Variants in ANO2 observed in about 807,000 individuals in gnomAD.
The protein encoded by ANO2 is anoctamin-2.
A neutral mutation model predicts 124.2 loss-of-function variants in ANO2; 101 were observed. That is an observed-to-expected ratio of 0.81 (90% confidence interval 0.69 to 0.96). The LOEUF (loss-of-function observed/expected upper bound fraction) is 0.96. Among genes scored for constraint, ANO2 ranks in the 40% least tolerant of loss-of-function variants. ANO2 has a pLI of 0.00. For synonymous variants in ANO2, 486 were observed against 482.5 expected (o/e 1.01, Z -0.09); for missense variants, 1,293 against 1,274.5 (o/e 1.01, Z -0.22).
intron 1 of ANO2, among the ~76,000 whole-genome samples, chr12:5,929,815 T>C (rs1391482380): frequency 1.4e-5 from 2 of 146,726 alleles, no homozygotes; most frequent in African/African-American, 5.0e-5. Context: ...ATTAGTCACT[T>C]TCTTACCAGT....
chr12:5,647,574 T>C (rs1489077929), intron 15 of ANO2, among the ~76,000 whole-genome samples, 153 bp downstream of exon 15: 1 of 152,142 alleles, frequency 6.6e-6, no homozygotes, highest in African/African-American at 2.4e-5. Flanking sequence ...ATGGCCTCAC[T>C]ATCAGACAAG....
chr12:5,880,338 A>C (rs1309373485), intron 3 of ANO2, among the ~76,000 whole-genome samples: 3 of 151,802 alleles, frequency 2.0e-5, no homozygotes, highest in Non-Finnish European at 4.4e-5. Context: ...AGCATTTGAG[A>C]GTCATCGTAG....
At chr12:5,852,268 T>A (rs887626479) in intron 4 of ANO2, among the ~76,000 whole-genome samples, 3 of 151,734 alleles carry the variant, frequency 2.0e-5, no homozygotes, top group Non-Finnish European at 4.4e-5. Context: ...GTATTAGGAG[T>A]GAGAGGACTG....
chr12:5,928,829 T>C (rs77173339), intron 1 of ANO2, among the ~76,000 whole-genome samples: 20 of 38,074 alleles, frequency 5.3e-4, no homozygotes, highest in Admixed American at 6.1e-4. Context: ...CTTCTTTCCT[T>C]ACTCGTCTAC....
intron 16 of ANO2, among the ~76,000 whole-genome samples, chr12:5,634,714 T>C (rs1945914661): frequency 1.3e-5 from 2 of 152,194 alleles, no homozygotes; most frequent in Non-Finnish European, 1.5e-5. Flanking sequence ...CGGGGATAGA[T>C]AAGACCAGTA....
chr12:5,848,501 T>C (rs958077510), intron 4 of ANO2, among the ~76,000 whole-genome samples: 2 of 152,164 alleles, frequency 1.3e-5, no homozygotes, highest in African/African-American at 4.8e-5. Context: ...GCAGAGCCAA[T>C]AGTGGAACTC....
In ANO2 at chr12:5,786,678, C is replaced by T. The variant is rs182720161; in HGVS notation, c.1055+12829G>A. Reference sequence around the variant, plus strand: ...CCGCTGCACATCCGATCATATTCTCCGCCTCCCCACCACCTCCCCGGGAGT... The same window carrying T: ...CCGCTGCACATCCGATCATATTCTCTGCCTCCCCACCACCTCCCCGGGAGT... On this transcript the variant is annotated intron_variant, in intron 10 of 24. Coordinates refer to ENST00000682330, the MANE Select transcript of ANO2 (RefSeq NM_001364791.2). Among the ~76,000 whole-genome samples the T allele has an allele frequency of 2.2e-3, 330 of 152,244 alleles. 1 individual carries two copies. Among genetic ancestry groups the T allele is most frequent in the Non-Finnish European group, 3.1e-3 (214 of 68,004 alleles).
intron 14 of ANO2, among the ~76,000 whole-genome samples, chr12:5,703,191 A>C (rs1327442260): frequency 6.6e-6 from 1 of 152,236 alleles, no homozygotes; most frequent in Non-Finnish European, 1.5e-5. Flanking sequence ...ACATATATCA[A>C]AGTGGATACA....
At chr12:5,799,662 C>T (rs955127433) in intron 9 of ANO2, 91 bp from the exon 10 acceptor site, 1 of 1,145,052 alleles carries the variant, frequency 8.7e-7, no homozygotes, top group African/African-American at 1.5e-5. Flanking sequence ...TTTTTATCCC[C>T]AAAGTCCAGC....
At chr12:5,803,249 C>T (rs1051267523) in intron 9 of ANO2, among the ~76,000 whole-genome samples, 3 of 152,332 alleles carry the variant, frequency 2.0e-5, no homozygotes, top group South Asian at 2.1e-4. Flanking sequence ...AACCCCACCT[C>T]TCTAGGTCTC....
chr12:5,932,397 GATA>G, intron 1 of ANO2, among the ~76,000 whole-genome samples: 3 of 143,854 alleles, frequency 2.1e-5, no homozygotes, highest in Non-Finnish European at 3.1e-5. Flanking sequence ...GAGGAAAGAA[GATA>G]GACTAGTAAG....
chr12:5,589,399 T>C (rs1160922822), intron 20 of ANO2, among the ~76,000 whole-genome samples: 1 of 152,124 alleles, frequency 6.6e-6, no homozygotes, highest in Non-Finnish European at 1.5e-5. Context: ...ACCACCTCTC[T>C]TGATAATCCA....
intron 19 of ANO2, among the ~76,000 whole-genome samples, chr12:5,600,049 T>C (rs1943858333): frequency 6.6e-6 from 1 of 152,208 alleles, no homozygotes; most frequent in South Asian, 2.1e-4. Flanking sequence ...ATTAATAGCA[T>C]CATCTTTCCA....
rs149444627 is a variant in ANO2 at position 5,768,478 on chromosome 12, G to C, written c.1056-17508C>G. On this transcript the variant is annotated intron_variant, in intron 10 of 24. Coordinates refer to ENST00000682330, the MANE Select transcript of ANO2 (RefSeq NM_001364791.2). ...TCAAAAGGGATTTCAAAATTTTTGTGAGCAGAGACATTTCATATTCATTAA... is the reference window on the plus strand; with the variant it reads ...TCAAAAGGGATTTCAAAATTTTTGTCAGCAGAGACATTTCATATTCATTAA... 4.8e-3 allele frequency among the ~76,000 whole-genome samples: 738 copies of C among 152,314 alleles called. 10 individuals are homozygous for C. The highest frequency in any genetic ancestry group is 4.5e-3 in the Non-Finnish European group (304 of 68,036).
chr12:5,812,604 A>C (rs1234337849), intron 7 of ANO2, among the ~76,000 whole-genome samples: 1 of 25,520 alleles, frequency 3.9e-5, no homozygotes, highest in Non-Finnish European at 8.9e-5. Flanking sequence ...GAAGAAGAAA[A>C]AGGAAGGAAG....
chr12:5,868,348 G>C (rs187539309), intron 3 of ANO2, among the ~76,000 whole-genome samples: 1 of 152,158 alleles, frequency 6.6e-6, no homozygotes, highest in Admixed American at 6.5e-5. Context: ...GAAAATCCCA[G>C]CTCTGCCACT....
chr12:5,920,895 A>C, intron 3 of ANO2, 145 bp downstream of exon 3: 1 of 1,011,318 alleles, frequency 9.9e-7, no homozygotes, highest in Non-Finnish European at 1.4e-6. Context: ...AAAAAGAAAG[A>C]AACAAAATCT....
intron 14 of ANO2, among the ~76,000 whole-genome samples, chr12:5,649,079 C>A (rs1179995326): frequency 1.3e-5 from 2 of 152,170 alleles, no homozygotes; most frequent in African/African-American, 4.8e-5. Context: ...GATCACTACT[C>A]CTGGGGAGCT....
At chr12:5,726,546 GC>G (rs752616903) in intron 14 of ANO2, among the ~76,000 whole-genome samples, 33 of 152,162 alleles carry the variant, frequency 2.2e-4, no homozygotes, top group Non-Finnish European at 4.0e-4. Context: ...CTCTGGCTCT[GC>G]CATGTATTAT....
Sources: allele counts gnomAD v4.1 joint callset (sites outside exome capture counted in the v4.1 genomes callset), GRCh38; gene constraint gnomAD v4.1.1; transcripts MANE v1.5; gene names NCBI Gene and HGNC (gene_info 2026-07-23, HGNC 2026-07-21).